Variants in ERCC6L2 observed in about 807,000 individuals in gnomAD.
The protein encoded by ERCC6L2 is ERCC excision repair 6 like 2, also known as DNA excision repair protein ERCC-6-like 2.
ERCC6L2 carries 77 observed loss-of-function variants against 132.0 expected under a neutral mutation model. The ratio of observed to expected loss-of-function variants is 0.58; its 90% CI spans 0.49 to 0.71. ERCC6L2 has a LOEUF of 0.71. Among genes scored for constraint, ERCC6L2 ranks in the 30% least tolerant of loss-of-function variants. The probability of loss-of-function intolerance (pLI) is 0.00; values close to 1 mark genes in which losing one functional copy is unlikely to be tolerated. For synonymous variants in ERCC6L2, 583 were observed against 632.4 expected, an observed-to-expected ratio of 0.92 and a Z score of 1.17; for missense variants, 1,542 against 1,837.6, an observed-to-expected ratio of 0.84 and a Z score of 2.94.
At chr9:96,036,763 ATTT>A (rs201535314) in intron 19 of ERCC6L2, among the ~76,000 whole-genome samples, 9 of 137,652 alleles carry the variant, frequency 6.5e-5, no homozygotes, top group East Asian at 4.4e-4. Context: ...TATTATTATT[ATTT>A]TTATTTATTT....
intron 3 of ERCC6L2, among the ~76,000 whole-genome samples, chr9:95,904,386 G>A (rs1326112970): frequency 6.6e-6 from 1 of 151,842 alleles, no homozygotes; most frequent in Non-Finnish European, 1.5e-5. Flanking sequence ...CTATTTTCTA[G>A]GTACTATATG....
rs781281069 is a variant in ERCC6L2, at chr9:95,897,834, G to A, written c.472-15G>A. On this transcript the variant is annotated splice_polypyrimidine_tract_variant and intron_variant, in intron 2 of 18. Coordinates refer to ENST00000653738, the MANE Select transcript of ERCC6L2 (RefSeq NM_020207.7). ...TACATTATACACAGTGATTGAAAAAGTCTTTTTTCCCCAGGTTATTTCATT... is the reference window on the plus strand; with the variant it reads ...TACATTATACACAGTGATTGAAAAAATCTTTTTTCCCCAGGTTATTTCATT... 1 of 1,611,798 alleles carries A rather than the reference G, an allele frequency of 6.2e-7. No individual in the cohort carries two copies.
intron 17 of ERCC6L2, among the ~76,000 whole-genome samples, chr9:95,990,070 G>A (rs1250108968): frequency 6.6e-6 from 1 of 152,174 alleles, no homozygotes; most frequent in Admixed American, 6.5e-5. Context: ...CTTTCATTTA[G>A]GGCAATAATC....
intron 15 of ERCC6L2, chr9:95,971,485 A>AT (rs896770988): frequency 1.3e-5 from 2 of 152,120 alleles, no homozygotes; most frequent in African/African-American, 4.8e-5. Context: ...AATTAGAACA[A>AT]TTTTCCAGTC....
intron 11 of ERCC6L2, 67 bp from the exon 12 acceptor site, chr9:95,941,387 T>C (rs759639328): frequency 2.6e-6 from 3 of 1,157,034 alleles, no homozygotes; most frequent in Admixed American, 3.8e-5. Flanking sequence ...CCTGGCACAG[T>C]TGAGTTATAG....
chr9:95,993,535 A>G lies in ERCC6L2; in HGVS notation c.3493-10985A>G, dbSNP rs2039047. Among the ~76,000 whole-genome samples, 184 of 152,238 alleles carry G rather than the reference A, an allele frequency of 1.2e-3. 4 individuals are homozygous for G. In the East Asian group the frequency reaches 0.031, roughly 25 times the overall value. On this transcript the variant is annotated intron_variant, in intron 17 of 18. Transcript: ENST00000653738. ...ACATGGCATTCACCTGCTCCCCCCA[A>G]TGCTGCCACTTCGCATCATTTCAGA... is the stretch of plus-strand genomic sequence containing the variant.
intron 3 of ERCC6L2, among the ~76,000 whole-genome samples, chr9:95,903,929 T>C (rs1162088815): frequency 6.6e-6 from 1 of 152,050 alleles, no homozygotes; most frequent in Non-Finnish European, 1.5e-5. Flanking sequence ...GTAATTAATT[T>C]ATTTAATGCC....
At chr9:95,933,731 C>G (rs1239468739) in intron 11 of ERCC6L2, among the ~76,000 whole-genome samples, 1 of 151,640 alleles carries the variant, frequency 6.6e-6, no homozygotes, top group Non-Finnish European at 1.5e-5. Context: ...GTAGTCCCAG[C>G]TACTCAGGAG....
chr9:95,974,863 G>A (rs1832595507), intron 16 of ERCC6L2, among the ~76,000 whole-genome samples: 1 of 151,966 alleles, frequency 6.6e-6, no homozygotes, highest in South Asian at 2.1e-4. Context: ...GTCCATATTT[G>A]TATTGATACT....
intron 11 of ERCC6L2, among the ~76,000 whole-genome samples, chr9:95,935,016 T>G (rs1476977538): frequency 6.6e-6 from 1 of 152,222 alleles, no homozygotes; most frequent in Non-Finnish European, 1.5e-5. Context: ...TACTGCTTTA[T>G]TTTGTCTCAG....
intron 19 of ERCC6L2, among the ~76,000 whole-genome samples, chr9:96,037,219 C>T (rs189073075): frequency 1.4e-4 from 21 of 152,346 alleles, no homozygotes; most frequent in Non-Finnish European, 2.9e-4. Context: ...GTAGCATGGC[C>T]TGGCAGTGCC....
At chr9:95,899,600 A>ATATATGTGTGTGTG (rs746946004) in intron 3 of ERCC6L2, among the ~76,000 whole-genome samples, 12 of 134,896 alleles carry the variant, frequency 8.9e-5, no homozygotes, top group African/African-American at 3.4e-4. Flanking sequence ...TTATATATAT[A>ATATATGTGTGTGTG]TGTGTGTGTG....
chr9:95,908,438 A>G (rs779421927), intron 4 of ERCC6L2, among the ~76,000 whole-genome samples: 4 of 152,206 alleles, frequency 2.6e-5, no homozygotes, highest in Non-Finnish European at 4.4e-5. Flanking sequence ...GGAGAAACCA[A>G]ATTTGCTGAC....
At chr9:95,890,729 G>A (rs1828113596) in intron 2 of ERCC6L2, among the ~76,000 whole-genome samples, 1 of 152,058 alleles carries the variant, frequency 6.6e-6, no homozygotes, top group Admixed American at 6.5e-5. Flanking sequence ...ATGCAGTGGT[G>A]CAGTGTTGGC....
At chr9:96,001,368 T>C (rs918851048) in intron 17 of ERCC6L2, among the ~76,000 whole-genome samples, 9 of 152,132 alleles carry the variant, frequency 5.9e-5, no homozygotes, top group Non-Finnish European at 1.0e-4. Flanking sequence ...AGGGCGCTGA[T>C]TGGTGCATTT....
intron 12 of ERCC6L2, among the ~76,000 whole-genome samples, chr9:95,942,206 G>C (rs922757830): frequency 6.6e-6 from 1 of 152,130 alleles, no homozygotes; most frequent in Admixed American, 6.6e-5. Flanking sequence ...AGTACTTCCA[G>C]ATCTCCCCAG....
chr9:95,966,063 A>C (rs966192448), intron 13 of ERCC6L2, among the ~76,000 whole-genome samples: 1 of 152,196 alleles, frequency 6.6e-6, no homozygotes, highest in Admixed American at 6.6e-5. Flanking sequence ...TCAAAGATGC[A>C]GTGTTTCTTA....
At chr9:96,026,729 C>T (rs112298348) in intron 19 of ERCC6L2, among the ~76,000 whole-genome samples, 18,753 of 146,556 alleles carry the variant, frequency 0.13, 1,065 homozygotes, top group Middle Eastern at 0.23. Context: ...ACACCAAACA[C>T]ACCACACCAC....
chr9:95,913,402 C>T (rs1437644716), intron 4 of ERCC6L2, among the ~76,000 whole-genome samples: 1 of 152,128 alleles, frequency 6.6e-6, no homozygotes, highest in Non-Finnish European at 1.5e-5. Context: ...GCATAATGGT[C>T]ATCTACAATG....
Sources: allele counts gnomAD v4.1 joint callset (sites outside exome capture counted in the v4.1 genomes callset), GRCh38; gene constraint gnomAD v4.1.1; transcripts MANE v1.5; gene names NCBI Gene and HGNC (gene_info 2026-07-23, HGNC 2026-07-21).